The following HDLBP variants were observed in gnomAD, a reference collection of about 807,000 sequenced individuals.
HDLBP encodes vigilin.
HDLBP carries 30 observed loss-of-function variants against 137.3 expected under a neutral mutation model. The ratio of observed to expected loss-of-function variants is 0.22; its 90% CI spans 0.16 to 0.30. HDLBP has a LOEUF of 0.30. Among genes scored for constraint, HDLBP ranks in the 10% least tolerant of loss-of-function variants. The pLI is 1.00. For synonymous variants in HDLBP, 606 were observed against 596.0 expected (o/e 1.02, Z -0.24); for missense variants, 1,119 against 1,667.3 (o/e 0.67, Z 5.73).
At chr2:241,288,072 T>G (rs903998220) in intron 1 of HDLBP, among the ~76,000 whole-genome samples, 2 of 152,176 alleles carry the variant, frequency 1.3e-5, no homozygotes, top group Non-Finnish European at 2.9e-5. Flanking sequence ...AGCTCTGTAT[T>G]ATATGAGGCT....
intron 1 of HDLBP, among the ~76,000 whole-genome samples, chr2:241,296,100 CAA>C (rs34959720): frequency 1.8e-4 from 15 of 85,666 alleles, no homozygotes; most frequent in Admixed American, 2.6e-4. Flanking sequence ...GAAAATTTTG[CAA>C]AAAAAAAAAA....
At chr2:241,285,719 G>T (rs748101272) in intron 1 of HDLBP, among the ~76,000 whole-genome samples, 1 of 152,124 alleles carries the variant, frequency 6.6e-6, no homozygotes, top group African/African-American at 2.4e-5. Context: ...GAAATTTCAA[G>T]AAAAACAAGT....
chr2:241,292,845 G>A (rs1316700208), intron 1 of HDLBP, among the ~76,000 whole-genome samples: 1 of 152,128 alleles, frequency 6.6e-6, no homozygotes, highest in African/African-American at 2.4e-5. Flanking sequence ...GCAATATAGT[G>A]AGACTGCCTG....
chr2:241,235,179 C>T lies in HDLBP; in HGVS notation c.3086G>A (p.Arg1029Gln), dbSNP rs1274853214. The T allele has an allele frequency of 1.9e-6, 3 of 1,614,156 alleles. No homozygotes were observed. Among genetic ancestry groups the T allele is most frequent in the Admixed American group, 1.7e-5 (1 of 60,026 alleles). Residue 1029 changes from arginine (R) to glutamine (Q), a missense_variant, in exon 23 of 28, where the codon CGG becomes CAG. Coordinates refer to ENST00000310931, the MANE Select transcript of HDLBP (RefSeq NM_005336.6). ...ACGCTCCAGCAGTCCAGCCTTGGCC[C>T]GGTCCAAATTTGCAGCGAGGCCCGT... is the stretch of plus-strand genomic sequence containing the variant. ...AITGLAANLD[R>Q]AKAGLLERVK...
rs575642902 is a variant in HDLBP, at chr2:241,253,593, C to T, written c.1189-96G>A. 26 of 789,372 alleles carry T rather than the reference C, an allele frequency of 3.3e-5. 1 individual carries two copies. The East Asian group carries it at 3.4e-4, about 10-fold the overall frequency. The allele number at this position is 789,372 out of a possible 1,614,324, so 48.9% of individuals were successfully genotyped here. A position where few individuals can be genotyped will look rare whatever the true frequency, so the allele number is the denominator to read the frequency against. On this transcript the variant is annotated intron_variant, in intron 9 of 27. Transcript: ENST00000310931. Reference sequence around the variant, plus strand: ...AGCTCTCTTCGGAGCGGCTTCTGATCCCAAACTGCTTCACATAGATGTGAG... The same window carrying T: ...AGCTCTCTTCGGAGCGGCTTCTGATTCCAAACTGCTTCACATAGATGTGAG...
intron 15 of HDLBP, 34 bp from the exon 16 acceptor site, chr2:241,246,917 T>C: frequency 6.2e-7 from 1 of 1,613,014 alleles, no homozygotes; most frequent in Non-Finnish European, 8.5e-7. Flanking sequence ...AGAAGCTGAC[T>C]AGAGCTCTCC....
At position 241,240,205 on chromosome 2, in the gene HDLBP, C is replaced by A; in HGVS notation, c.2170-83G>T. The A allele has an allele frequency of 7.6e-7, 1 of 1,324,360 alleles. No homozygotes were observed. The highest frequency in any genetic ancestry group is 1.1e-6 in the Non-Finnish European group (1 of 917,088). 82.0% of individuals were successfully genotyped at this position (1,324,360 alleles called of 1,614,324 possible). A position where few individuals can be genotyped will look rare whatever the true frequency, so the allele number is the denominator to read the frequency against. On this transcript the variant is annotated intron_variant, in intron 17 of 27. Coordinates refer to ENST00000310931, the MANE Select transcript of HDLBP (RefSeq NM_005336.6). This position sits in a 1 kb window ranked among gnomAD's most constrained non-coding sequence, Gnocchi z 5.5. ...GAAGACAAGAGGGTCTGTAGGACAG[C>A]AAGCTCGGGCTCCCCTTACATTGTC... is the stretch of plus-strand genomic sequence containing the variant.
At chr2:241,229,784 G>GGGCCCC in intron 27 of HDLBP, 49 bp downstream of exon 27, 14 of 1,502,482 alleles carry the variant, frequency 9.3e-6, no homozygotes, top group African/African-American at 1.4e-5. Context: ...AAGCCCGCCT[G>GGGCCCC]CCCGCCCACC....
At chr2:241,260,438 C>G (rs1487850162) in intron 5 of HDLBP, among the ~76,000 whole-genome samples, 1 of 152,294 alleles carries the variant, frequency 6.6e-6, no homozygotes, top group East Asian at 1.9e-4. Context: ...CATAATGACA[C>G]TAAAGAGAGT....
chr2:241,302,225 T>G (rs1316508289), intron 1 of HDLBP, among the ~76,000 whole-genome samples: 2 of 152,108 alleles, frequency 1.3e-5, no homozygotes, highest in South Asian at 2.1e-4. Flanking sequence ...GTCACTGTAC[T>G]CCAACTAGTG....
chr2:241,293,672 C>A (rs1008825486), intron 1 of HDLBP, among the ~76,000 whole-genome samples: 1 of 151,456 alleles, frequency 6.6e-6, no homozygotes, highest in African/African-American at 2.4e-5. Flanking sequence ...GTAATCCCAG[C>A]ACTTTGAGAG....
At chr2:241,298,515 T>C (rs566543503) in intron 1 of HDLBP, among the ~76,000 whole-genome samples, 1 of 152,186 alleles carries the variant, frequency 6.6e-6, no homozygotes, top group African/African-American at 2.4e-5. Flanking sequence ...GGGGAAACCA[T>C]GAGCCAATAT....
intron 24 of HDLBP, 120 bp from the exon 25 acceptor site, chr2:241,231,064 C>A: frequency 1.2e-6 from 1 of 836,854 alleles, no homozygotes; most frequent in South Asian, 1.7e-5. Flanking sequence ...AGCAACGTCA[C>A]GGCTGATTTA....
intron 1 of HDLBP, among the ~76,000 whole-genome samples, chr2:241,313,649 A>AT (rs1016711304): frequency 6.6e-6 from 1 of 152,146 alleles, no homozygotes; most frequent in Non-Finnish European, 1.5e-5. Context: ...TCCAGCAAAT[A>AT]TTTTTTTGAA....
rs374714304 is a variant in HDLBP, at chr2:241,230,735, C to G, written c.3474+24G>C. 4.6e-5 allele frequency: 74 copies of G among 1,609,700 alleles called. No homozygotes were observed. In the African/African-American group the frequency reaches 9.2e-4, roughly 20 times the overall value. On this transcript the variant is annotated intron_variant, in intron 25 of 27. Coordinates refer to ENST00000310931, the MANE Select transcript of HDLBP (RefSeq NM_005336.6). The surrounding 1 kb of genome is among the most constrained non-coding windows in gnomAD (Gnocchi z 5.0). The stretch of plus-strand genomic sequence containing the variant: ...GCCCCCGGTGAGAGAGGATTCTCAC[C>G]CACTGTGCTTCCAGCCGGCTCACCT...
At chr2:241,284,855 A>G (rs1272665032) in intron 1 of HDLBP, among the ~76,000 whole-genome samples, 1 of 152,204 alleles carries the variant, frequency 6.6e-6, no homozygotes, top group Non-Finnish European at 1.5e-5. Flanking sequence ...CTCAATGATC[A>G]TGAGCATTTT....
At chr2:241,306,682 C>A (rs867672514) in intron 1 of HDLBP, among the ~76,000 whole-genome samples, 4 of 151,744 alleles carry the variant, frequency 2.6e-5, no homozygotes, top group Non-Finnish European at 2.9e-5. Context: ...CCGAGGCTGG[C>A]AGATCATTTG....
chr2:241,305,211 A>G (rs769502841), intron 1 of HDLBP, among the ~76,000 whole-genome samples: 25 of 152,090 alleles, frequency 1.6e-4, no homozygotes, highest in Non-Finnish European at 2.5e-4. Context: ...GCAGCCTCCA[A>G]CTCCTGGGTT....
At chr2:241,263,601 G>A (rs1384435801) in intron 4 of HDLBP, among the ~76,000 whole-genome samples, 1 of 152,088 alleles carries the variant, frequency 6.6e-6, no homozygotes, top group African/African-American at 2.4e-5. Context: ...TGGAAGGATT[G>A]GGATGCAACT....
Sources: gnomAD v4.1 joint callset for allele counts (sites outside exome capture counted in the v4.1 genomes callset) on GRCh38, gnomAD v4.1.1 for gene constraint, Gnocchi (gnomAD v3.1) non-coding constraint, MANE v1.5 for transcripts, NCBI Gene and HGNC (gene_info 2026-07-23, HGNC 2026-07-21) for gene names.